UGT1A8: variants seen among roughly 807,000 people sequenced by gnomAD.
The protein encoded by UGT1A8 is UDP glucuronosyltransferase family 1 member A8, also known as UDP-glucuronosyltransferase 1A8.
A neutral mutation model predicts 45.3 loss-of-function variants in UGT1A8; 39 were observed. The ratio of observed to expected loss-of-function variants is 0.86; its 90% CI spans 0.67 to 1.12. The LOEUF (loss-of-function observed/expected upper bound fraction) is 1.12, where lower values mean the gene tolerates loss of function less well. Among genes scored for constraint, UGT1A8 ranks in the 50% most tolerant of loss-of-function variants. UGT1A8 has a pLI of 0.00. For synonymous variants in UGT1A8, 275 were observed against 249.2 expected (o/e 1.10, Z -0.97); for missense variants, 719 against 664.9 (o/e 1.08, Z -0.90).
intron 1 of UGT1A8, among the ~76,000 whole-genome samples, chr2:233,649,813 A>G (rs1200655363): frequency 1.3e-5 from 2 of 152,136 alleles, no homozygotes; most frequent in Non-Finnish European, 2.9e-5. Flanking sequence ...AACTGTTACC[A>G]TGATGTTTGG....
In UGT1A8 at chr2:233,740,213, C is replaced by G. The variant is rs984335401; in HGVS notation, c.856-26821C>G. On this transcript the variant is annotated intron_variant, in intron 1 of 4. Coordinates refer to ENST00000373450, the MANE Select transcript of UGT1A8 (RefSeq NM_019076.5). Reference sequence around the variant, plus strand: ...CTTTCTTTTATAAATTACCCAGTCTCAGCTGCGTCTTTATAGCAGGCTGAG... The same window carrying G: ...CTTTCTTTTATAAATTACCCAGTCTGAGCTGCGTCTTTATAGCAGGCTGAG... Among the ~76,000 whole-genome samples the G allele has an allele frequency of 9.6e-4, 146 of 151,922 alleles. 3 individuals are homozygous for G. Among genetic ancestry groups the G allele is most frequent in the African/African-American group, 3.4e-3 (142 of 41,200 alleles).
intron 1 of UGT1A8, among the ~76,000 whole-genome samples, chr2:233,724,338 T>C (rs2077227587): frequency 6.9e-6 from 1 of 145,520 alleles, no homozygotes; most frequent in African/African-American, 2.6e-5. Context: ...GGCGGGGGGC[T>C]GACCCCCCCC....
chr2:233,710,224 C>G (rs2076120993), intron 1 of UGT1A8, among the ~76,000 whole-genome samples: 1 of 152,156 alleles, frequency 6.6e-6, no homozygotes, highest in African/African-American at 2.4e-5. Flanking sequence ...AATAAAGCTG[C>G]TATGACTATT....
chr2:233,632,868 GT>G (rs1185625549), intron 1 of UGT1A8, among the ~76,000 whole-genome samples: 3 of 152,150 alleles, frequency 2.0e-5, no homozygotes, highest in Admixed American at 6.5e-5. Flanking sequence ...CCAATACTAT[GT>G]TGAATAGGAG....
chr2:233,753,155 C>G (rs1695142736), intron 1 of UGT1A8: 2 of 152,204 alleles, frequency 1.3e-5, no homozygotes, highest in South Asian at 4.1e-4. Context: ...TGTAAGTTCC[C>G]TTATCCGGAT....
intron 1 of UGT1A8, among the ~76,000 whole-genome samples, chr2:233,757,815 T>G (rs4399719): frequency 0.55 from 83,125 of 151,008 alleles, 25,001 homozygotes; most frequent in African/African-American, 0.81. Context: ...AAGGAGCTGG[T>G]AGTGTGTCTG....
At chr2:233,623,447 T>C (rs2073044529) in intron 1 of UGT1A8, among the ~76,000 whole-genome samples, 1 of 152,200 alleles carries the variant, frequency 6.6e-6, no homozygotes, top group Non-Finnish European at 1.5e-5. Context: ...TCGCATCCTT[T>C]GTAAGTTGGA....
At chr2:233,682,426 C>G in intron 1 of UGT1A8, 2 of 1,613,888 alleles carry the variant, frequency 1.2e-6, no homozygotes, top group Non-Finnish European at 1.7e-6. Flanking sequence ...ATTTCTCCCT[C>G]CCCTCTGTGG....
At chr2:233,627,624 T>TCTTCCTCCCTTC (rs2073108541) in intron 1 of UGT1A8, among the ~76,000 whole-genome samples, 1 of 111,934 alleles carries the variant, frequency 8.9e-6, no homozygotes, top group African/African-American at 3.3e-5. Context: ...TTCCTTCCTT[T>TCTTCCTCCCTTC]CTTCCTTCCT....
At chr2:233,747,534 A>G in intron 1 of UGT1A8, 1 of 1,605,506 alleles carries the variant, frequency 6.2e-7, no homozygotes. Context: ...ACATTTTCTG[A>G]AGACATTTTC....
In UGT1A8 at chr2:233,700,061, GGT is replaced by G. The variant is rs1575467362; in HGVS notation, c.856-66970_856-66969del. On this transcript the variant is annotated intron_variant, in intron 1 of 4. Transcript: ENST00000373450. ...TAAATCAATTCCAAGTGAATCCAGT[GGT>G]GTCTACCCAGCAAGGCCCCCAGCCT... is the stretch of plus-strand genomic sequence containing the variant. Among the ~76,000 whole-genome samples the G allele has an allele frequency of 2.0e-5, 3 of 152,318 alleles. No homozygotes were observed. The East Asian group carries it at 5.8e-4, about 29-fold the overall frequency.
chr2:233,691,613 G>A (rs2075050134), intron 1 of UGT1A8: 5 of 985,636 alleles, frequency 5.1e-6, no homozygotes, highest in South Asian at 4.7e-5. Flanking sequence ...CTCTGGGACC[G>A]CCCTCAGCAG....
intron 1 of UGT1A8, among the ~76,000 whole-genome samples, chr2:233,647,162 C>G (rs114141026): frequency 6.6e-6 from 1 of 152,144 alleles, no homozygotes; most frequent in South Asian, 2.1e-4. Context: ...TCACGGGAAA[C>G]GCCCAGCCCC....
rs1247902787 is a variant in UGT1A8 at position 233,740,991 on chromosome 2, GAGGA to G, written c.856-26038_856-26035del. The G allele has an allele frequency of 1.6e-4, 25 of 151,764 alleles. 2 individuals are homozygous for G. Among genetic ancestry groups the G allele is most frequent in the African/African-American group, 6.1e-4 (25 of 41,070 alleles). 9.4% of individuals were successfully genotyped at this position (151,764 alleles called of 1,614,324 possible). A position where few individuals can be genotyped will look rare whatever the true frequency, so the allele number is the denominator to read the frequency against. ...AGTCCTAGCTACTGGGAATGCTGAGGAGGAAGGATCACTTGAGCCCAGGAATTCG... is the reference window on the plus strand; with the variant it reads ...AGTCCTAGCTACTGGGAATGCTGAGGAGGATCACTTGAGCCCAGGAATTCG... On this transcript the variant is annotated intron_variant, in intron 1 of 4. Coordinates refer to ENST00000373450, the MANE Select transcript of UGT1A8 (RefSeq NM_019076.5).
chr2:233,661,633 TTCTTTC>T (rs1383607991), intron 1 of UGT1A8, among the ~76,000 whole-genome samples: 1 of 132,260 alleles, frequency 7.6e-6, no homozygotes, highest in Non-Finnish European at 1.7e-5. Flanking sequence ...TTTTCTTTCT[TTCTTTC>T]TTTCTTTCTT....
At chr2:233,633,598 G>C (rs569523373) in intron 1 of UGT1A8, among the ~76,000 whole-genome samples, 9 of 152,188 alleles carry the variant, frequency 5.9e-5, no homozygotes, top group Admixed American at 2.0e-4. Flanking sequence ...TATTTGTGTA[G>C]AGGTGTTGAT....
At chr2:233,732,233 T>C (rs2078252612) in intron 1 of UGT1A8, among the ~76,000 whole-genome samples, 1 of 152,264 alleles carries the variant, frequency 6.6e-6, no homozygotes, top group South Asian at 2.1e-4. Context: ...TCTCCCATTC[T>C]GTAGGTTGCC....
intron 1 of UGT1A8, among the ~76,000 whole-genome samples, chr2:233,627,785 G>A (rs908026481): frequency 2.0e-5 from 3 of 151,688 alleles, no homozygotes; most frequent in Non-Finnish European, 2.9e-5. Context: ...CAAGCAATTC[G>A]ACTTTTTTGG....
chr2:233,672,218 A>T (rs1248602298), intron 1 of UGT1A8: 5 of 1,614,098 alleles, frequency 3.1e-6, no homozygotes, highest in Non-Finnish European at 3.4e-6. Flanking sequence ...GCTTTTGCCC[A>T]TGCTCAATGG....
Sources: allele counts gnomAD v4.1 joint callset (sites outside exome capture counted in the v4.1 genomes callset), GRCh38; gene constraint gnomAD v4.1.1; transcripts MANE v1.5; gene names NCBI Gene and HGNC (gene_info 2026-07-23, HGNC 2026-07-21).